Variants in MAST2 observed in about 807,000 individuals in gnomAD.
MAST2 encodes the protein microtubule-associated serine/threonine-protein kinase 2.
Under a neutral mutation model 147.4 loss-of-function variants are expected in MAST2, and 70 were observed. The observed-to-expected ratio is 0.47, with a 90% CI of 0.39 to 0.58. The LOEUF is 0.58. Ranked by LOEUF, MAST2 falls within the 20% of genes least tolerant of loss-of-function variation. The pLI, the probability that MAST2 is intolerant of heterozygous loss-of-function variation, is 0.00. For missense variants in MAST2, 2,080 were observed against 2,302.3 expected, an observed-to-expected ratio of 0.90 and a Z score of 1.98; for synonymous variants, 869 against 896.8, an observed-to-expected ratio of 0.97 and a Z score of 0.55.
In MAST2 at chr1:46,028,807, C is replaced by T. The variant is rs1259694831; in HGVS notation, c.2092C>T (p.Leu698=). The change falls in exon 18 of 29, where the codon CTG becomes TTG. Residue 698 remains leucine (L), a synonymous_variant. Transcript: ENST00000361297. The part of the protein sequence containing the change: ...TPEYIAPEVI[L]RQGYGKPVDW... Reference sequence around the variant, plus strand: ...AGAATACATTGCGCCTGAGGTGATCCTGCGCCAGGGCTATGGGAAGCCAGT... The same window carrying T: ...AGAATACATTGCGCCTGAGGTGATCTTGCGCCAGGGCTATGGGAAGCCAGT... The T allele has an allele frequency of 1.1e-5, 17 of 1,614,144 alleles. No individual in the cohort carries two copies. Among genetic ancestry groups the T allele is most frequent in the Non-Finnish European group, 1.4e-5 (16 of 1,180,010 alleles).
intron 4 of MAST2, among the ~76,000 whole-genome samples, chr1:45,931,664 G>T (rs1228111278): frequency 6.7e-6 from 1 of 150,248 alleles, no homozygotes; most frequent in East Asian, 2.0e-4. Context: ...TAATTTTTGT[G>T]TTTTTTTTTA....
chr1:45,931,298 TTGTC>T (rs1655246721), intron 4 of MAST2, among the ~76,000 whole-genome samples: 1 of 152,156 alleles, frequency 6.6e-6, no homozygotes. Context: ...TAATTTGAAT[TTGTC>T]TGTTATTTCC....
intron 4 of MAST2, among the ~76,000 whole-genome samples, chr1:45,941,556 C>T (rs959886905): frequency 3.9e-5 from 6 of 152,174 alleles, no homozygotes; most frequent in Non-Finnish European, 8.8e-5. Flanking sequence ...CCGTGCCTGG[C>T]CGTTTTAATA....
At chr1:45,829,359 TGA>T in intron 2 of MAST2, 78 bp from the exon 3 acceptor site, 1 of 1,279,180 alleles carries the variant, frequency 7.8e-7, no homozygotes. Flanking sequence ...TTTATCCACT[TGA>T]TATCACTGTA....
At chr1:45,973,986 A>G (rs1037033243) in intron 5 of MAST2, among the ~76,000 whole-genome samples, 1 of 152,256 alleles carries the variant, frequency 6.6e-6, no homozygotes, top group Non-Finnish European at 1.5e-5. Context: ...TTTTGCTGTT[A>G]GAGCAGAAAT....
At position 45,803,675 on chromosome 1, in the gene MAST2, A is replaced by G. The variant is rs866539826; in HGVS notation, c.-221A>G. The G allele has an allele frequency of 1.1e-3, 348 of 318,582 alleles. 4 individuals carry two copies. The highest frequency in any genetic ancestry group is 3.4e-3 in the Middle Eastern group (4 of 1,168). 19.7% of individuals were successfully genotyped at this position (318,582 alleles called of 1,614,324 possible). A position where few individuals can be genotyped will look rare whatever the true frequency, so the allele number is the denominator to read the frequency against. On this transcript the variant is annotated 5_prime_UTR_variant, in exon 1 of 29. Coordinates refer to ENST00000361297, the MANE Select transcript of MAST2 (RefSeq NM_015112.3). ...AACGTGTGCTGGGTGGGAGAAGGCG[A>G]GGCGTCAGCGATGCTGTCTCTTCCG...
intron 3 of MAST2, among the ~76,000 whole-genome samples, chr1:45,865,880 C>T (rs928993933): frequency 2.0e-5 from 3 of 152,124 alleles, no homozygotes; most frequent in African/African-American, 7.2e-5. Flanking sequence ...TAGTCTATCA[C>T]TAAATGTTTT....
chr1:45,994,745 C>G (rs538305880), intron 5 of MAST2, among the ~76,000 whole-genome samples: 1 of 152,270 alleles, frequency 6.6e-6, no homozygotes, highest in East Asian at 1.9e-4. Context: ...AGGCTCCTTC[C>G]CAGGAACTGG....
intron 4 of MAST2, among the ~76,000 whole-genome samples, chr1:45,893,040 G>A (rs1308243331): frequency 6.6e-6 from 1 of 152,150 alleles, no homozygotes; most frequent in Non-Finnish European, 1.5e-5. Context: ...ATCAAGTAAA[G>A]AGATTCAATG....
intron 4 of MAST2, chr1:45,913,440 C>A: frequency 4.6e-6 from 1 of 219,278 alleles, no homozygotes; most frequent in African/African-American, 2.3e-5. Flanking sequence ...GTTTTTACTG[C>A]CGCCAGGCCT....
At chr1:45,858,929 G>A (rs1230486279) in intron 3 of MAST2, among the ~76,000 whole-genome samples, 1 of 152,086 alleles carries the variant, frequency 6.6e-6, no homozygotes, top group Non-Finnish European at 1.5e-5. Context: ...TAGATGTGTG[G>A]TATTATTTCT....
chr1:46,029,245 G>A, intron 18 of MAST2: 1 of 552,978 alleles, frequency 1.8e-6, no homozygotes, highest in Non-Finnish European at 3.2e-6. Flanking sequence ...GAGTATAAAA[G>A]CAGGGTGAGC....
In MAST2 at chr1:45,847,147, A is replaced by G. The variant is rs553533960; in HGVS notation, c.468+17566A>G. 1.1e-4 allele frequency: 56 copies of G among 493,914 alleles called. No individual in the cohort carries two copies. The East Asian group carries it at 1.5e-3, about 13-fold the overall frequency. 30.6% of individuals were successfully genotyped at this position (493,914 alleles called of 1,614,324 possible). On this transcript the variant is annotated intron_variant, in intron 3 of 28. Coordinates refer to ENST00000361297, the MANE Select transcript of MAST2 (RefSeq NM_015112.3). Reference sequence around the variant, plus strand: ...ATTTTTCTCATTTTAATATTTGGCAATTTCTTCAGATCAAAGTCCCATTCC... The same window carrying G: ...ATTTTTCTCATTTTAATATTTGGCAGTTTCTTCAGATCAAAGTCCCATTCC...
intron 4 of MAST2, among the ~76,000 whole-genome samples, chr1:45,911,394 TTC>T (rs2148573891): frequency 6.6e-6 from 1 of 152,338 alleles, no homozygotes; most frequent in East Asian, 1.9e-4. Context: ...GAGCTCCGTG[TTC>T]TCTCTCCTCC....
chr1:45,904,298 T>C (rs1407670976), intron 4 of MAST2, among the ~76,000 whole-genome samples: 1 of 151,630 alleles, frequency 6.6e-6, no homozygotes, highest in Non-Finnish European at 1.5e-5. Flanking sequence ...CTCAGCCCCC[T>C]GAGTAGCTGG....
At chr1:45,927,549 T>TA (rs1654584132) in intron 4 of MAST2, among the ~76,000 whole-genome samples, 1 of 152,196 alleles carries the variant, frequency 6.6e-6, no homozygotes, top group African/African-American at 2.4e-5. Flanking sequence ...AGAAGAGAAA[T>TA]ACGGCTCTGT....
At chr1:46,002,105 C>T (rs574102148) in intron 6 of MAST2, among the ~76,000 whole-genome samples, 62 of 152,046 alleles carry the variant, frequency 4.1e-4, no homozygotes, top group South Asian at 2.3e-3. Flanking sequence ...ATAACTGTGG[C>T]GGGGTGGGGG....
intron 3 of MAST2, chr1:45,846,946 A>G: frequency 4.1e-6 from 1 of 244,162 alleles, no homozygotes; most frequent in Non-Finnish European, 8.5e-6. Flanking sequence ...CAATGAATAT[A>G]ATTTGAAGCT....
intron 4 of MAST2, among the ~76,000 whole-genome samples, chr1:45,935,791 C>T (rs1265055329): frequency 6.6e-6 from 1 of 152,112 alleles, no homozygotes; most frequent in Non-Finnish European, 1.5e-5. Flanking sequence ...GTTACTGTAG[C>T]CTTGTGGTAT....
Sources: gnomAD v4.1 joint callset for allele counts (sites outside exome capture counted in the v4.1 genomes callset) on GRCh38, gnomAD v4.1.1 for gene constraint, MANE v1.5 for transcripts, NCBI Gene and HGNC (gene_info 2026-07-23, HGNC 2026-07-21) for gene names.